SFXN5: variants seen among roughly 807,000 people sequenced by gnomAD.
SFXN5 encodes sideroflexin-5.
SFXN5 carries 43 observed loss-of-function variants against 50.2 expected under a neutral mutation model. The observed-to-expected ratio is 0.86, with a 90% confidence interval of 0.67 to 1.11. The LOEUF is 1.11. SFXN5 is among the 50% of genes least tolerant of loss of function. The pLI is 0.00. For missense variants in SFXN5, 463 were observed against 454.1 expected (o/e 1.02, Z -0.18); for synonymous variants, 203 against 185.8 (o/e 1.09, Z -0.75).
At position 72,968,434 on chromosome 2, in the gene SFXN5, C is replaced by A. The variant is rs569675581; in HGVS notation, c.827+14G>T. ...CCCCATGGTGGCCTCTCCATCCTGGCTGCCCCAACTCACTTCTCCAGCATG... is the reference window on the plus strand; with the variant it reads ...CCCCATGGTGGCCTCTCCATCCTGGATGCCCCAACTCACTTCTCCAGCATG... On this transcript the variant is annotated intron_variant, in intron 12 of 13. Coordinates refer to ENST00000272433, the MANE Select transcript of SFXN5 (RefSeq NM_144579.3). 2 of 1,608,304 alleles carry A rather than the reference C, an allele frequency of 1.2e-6. No homozygotes were observed. The highest frequency in any genetic ancestry group is 2.2e-5 in the South Asian group (2 of 90,488).
chr2:72,991,967 G>C (rs1672660647), intron 9 of SFXN5, among the ~76,000 whole-genome samples: 1 of 152,212 alleles, frequency 6.6e-6, no homozygotes, highest in South Asian at 2.1e-4. Context: ...TAACCAAACA[G>C]GAGCTCCATT....
chr2:72,951,037 C>T (rs960937185), intron 13 of SFXN5, among the ~76,000 whole-genome samples: 1 of 151,610 alleles, frequency 6.6e-6, no homozygotes, highest in Non-Finnish European at 1.5e-5. Context: ...AACAGGGGCT[C>T]CCGAGGGAGG....
Position 72,974,986 on chromosome 2 carries a change from G to A in SFXN5, c.626-3301C>T, listed in dbSNP as rs138437129. On this transcript the variant is annotated intron_variant, in intron 10 of 13. Coordinates refer to ENST00000272433, the MANE Select transcript of SFXN5 (RefSeq NM_144579.3). ...GTTAATTAAGCAGCCTGTTAGTGAT[G>A]ATGTTAAGAAAGCTGGCACATTTTC... is the stretch of plus-strand genomic sequence containing the variant. Among the ~76,000 whole-genome samples the A allele has an allele frequency of 1.8e-3, 274 of 152,322 alleles. 1 individual carries two copies. The highest frequency in any genetic ancestry group is 3.4e-3 in the Middle Eastern group (1 of 292).
intron 2 of SFXN5, among the ~76,000 whole-genome samples, chr2:73,047,490 A>G (rs1680660030): frequency 6.6e-6 from 1 of 150,736 alleles, no homozygotes; most frequent in Non-Finnish European, 1.5e-5. Context: ...TCTCACCCTA[A>G]ATTATAATAA....
intron 3 of SFXN5, among the ~76,000 whole-genome samples, chr2:73,032,097 G>C (rs1678377296): frequency 6.6e-6 from 1 of 152,122 alleles, no homozygotes; most frequent in South Asian, 2.1e-4. Flanking sequence ...CCACCCACAA[G>C]CCAAGAGCTG....
chr2:73,010,465 G>T (rs1158537365), intron 6 of SFXN5, among the ~76,000 whole-genome samples: 2 of 152,212 alleles, frequency 1.3e-5, no homozygotes, highest in Admixed American at 6.5e-5. Flanking sequence ...GAAAATGGTG[G>T]TGTAGAAAAA....
chr2:72,955,911 A>G (rs1160863644), intron 13 of SFXN5, among the ~76,000 whole-genome samples: 1 of 152,242 alleles, frequency 6.6e-6, no homozygotes, highest in Non-Finnish European at 1.5e-5. Context: ...CCCCACCTAT[A>G]GCGGCCCCGG....
At chr2:73,040,970 C>T (rs369591437) in intron 2 of SFXN5, 39 bp from the exon 3 acceptor site, 2 of 1,583,086 alleles carry the variant, frequency 1.3e-6, no homozygotes, top group South Asian at 1.1e-5. Flanking sequence ...GGGCACAGAT[C>T]CAGGGCTCCC....
At position 73,001,536 on chromosome 2, in the gene SFXN5, C is replaced by T. The variant is rs941473969; in HGVS notation, c.400G>A (p.Val134Ile). The change falls in exon 7 of 14, where the codon GTC (valine) becomes ATC (isoleucine). Residue 134 changes from valine to isoleucine, a missense_variant. Val to Ile is a conservative substitution (Grantham distance 29). Transcript: ENST00000272433. ...TGCGAGACTGTTACCTGCCAGAAGA[C>T]AGTGGATGCCAGTGTCTGGTTGGGC... The part of the protein sequence containing the change: ...LLPNQTLAST[V>I]FWQWLNQSHN... The T allele has an allele frequency of 6.2e-7, 1 of 1,614,204 alleles. No individual in the cohort carries two copies. Among genetic ancestry groups the T allele is most frequent in the Non-Finnish European group, 8.5e-7 (1 of 1,180,038 alleles).
intron 6 of SFXN5, among the ~76,000 whole-genome samples, chr2:73,015,063 A>G (rs976414002): frequency 6.6e-6 from 1 of 152,234 alleles, no homozygotes; most frequent in Admixed American, 6.5e-5. Context: ...CATCTTTAAG[A>G]CAGGTGCTTG....
chr2:73,003,040 A>T (rs1011620699), intron 6 of SFXN5, among the ~76,000 whole-genome samples: 1 of 151,966 alleles, frequency 6.6e-6, no homozygotes, highest in African/African-American at 2.4e-5. Flanking sequence ...ATGGGATCCC[A>T]TCTGCTAAGG....
At chr2:73,056,854 G>C (rs1574259026) in intron 2 of SFXN5, among the ~76,000 whole-genome samples, 1 of 152,194 alleles carries the variant, frequency 6.6e-6, no homozygotes, top group East Asian at 1.9e-4. Context: ...ACAACGCTTT[G>C]AACAACAGTT....
At chr2:73,056,215 T>C (rs1682097569) in intron 2 of SFXN5, among the ~76,000 whole-genome samples, 1 of 152,046 alleles carries the variant, frequency 6.6e-6, no homozygotes, top group African/African-American at 2.4e-5. Context: ...TGTAAATACA[T>C]ATAAAAAGTC....
At chr2:72,991,138 G>A (rs940767128) in intron 9 of SFXN5, among the ~76,000 whole-genome samples, 1 of 152,210 alleles carries the variant, frequency 6.6e-6, no homozygotes, top group Admixed American at 6.5e-5. Context: ...AGGGAAAGGA[G>A]GAAAGGTGAC....
At chr2:73,016,565 T>TC (rs1465223964) in intron 6 of SFXN5, among the ~76,000 whole-genome samples, 2 of 151,994 alleles carry the variant, frequency 1.3e-5, no homozygotes, top group Non-Finnish European at 2.9e-5. Context: ...ATTAGCCAGG[T>TC]GTGGAGGTGC....
At chr2:73,071,457 C>G (rs951883794) in intron 1 of SFXN5, 147 bp downstream of exon 1, 3 of 687,568 alleles carry the variant, frequency 4.4e-6, no homozygotes, top group Admixed American at 2.9e-5. Context: ...AAAAGGGTGA[C>G]TGTGACCGAG....
At chr2:72,957,531 C>T (rs923173451) in intron 13 of SFXN5, among the ~76,000 whole-genome samples, 3 of 152,222 alleles carry the variant, frequency 2.0e-5, no homozygotes, top group South Asian at 4.1e-4. Flanking sequence ...ATTCTACCTC[C>T]GAGTCCCCTG....
chr2:73,054,643 G>A (rs1681853179), intron 2 of SFXN5, among the ~76,000 whole-genome samples: 1 of 152,148 alleles, frequency 6.6e-6, no homozygotes, highest in Admixed American at 6.5e-5. Context: ...GGCAAGCAAT[G>A]AAATACCTCC....
intron 3 of SFXN5, among the ~76,000 whole-genome samples, chr2:73,031,384 T>G (rs544873720): frequency 6.6e-6 from 1 of 152,308 alleles, no homozygotes; most frequent in South Asian, 2.1e-4. Flanking sequence ...AGAAACATGA[T>G]GGAAGGAGCC....
Sources: allele counts gnomAD v4.1 joint callset (sites outside exome capture counted in the v4.1 genomes callset), GRCh38; gene constraint gnomAD v4.1.1; transcripts MANE v1.5; gene names NCBI Gene and HGNC (gene_info 2026-07-23, HGNC 2026-07-21).